Variants in GLUL observed in about 807,000 individuals in gnomAD.
GLUL encodes the protein glutamate-ammonia ligase.
Under a neutral mutation model 36.9 loss-of-function variants are expected in GLUL, and 8 were observed. The observed-to-expected ratio is 0.22, with a 90% CI of 0.13 to 0.39. The LOEUF is 0.39. Ranked by LOEUF, GLUL falls within the 10% of genes least tolerant of loss-of-function variation. The pLI, the probability that GLUL is intolerant of heterozygous loss-of-function variation, is 1.00. For missense variants in GLUL, 315 were observed against 501.8 expected (o/e 0.63, Z 3.56); for synonymous variants, 182 against 172.8 (o/e 1.05, Z -0.42).
chr1:182,384,879 G>C (rs1034440992), intron 6 of GLUL, 156 bp from the exon 7 acceptor site: 14 of 683,852 alleles, frequency 2.0e-5, no homozygotes, highest in African/African-American at 8.9e-5. Context: ...AACAGTGCCC[G>C]ACAAGCAGTA....
rs1444115350 is a variant in GLUL at position 182,379,676 on chromosome 1, A to G, written c.*4729T>C. Among the ~76,000 whole-genome samples, 1 of 151,966 alleles carries G rather than the reference A, an allele frequency of 6.6e-6. No homozygotes were observed. Among genetic ancestry groups the G allele is most frequent in the Non-Finnish European group, 1.5e-5 (1 of 68,008 alleles). On this transcript the variant is annotated 3_prime_UTR_variant, in exon 7 of 7. Coordinates refer to ENST00000331872, the MANE Select transcript of GLUL (RefSeq NM_001033044.4). ...CAGCCTCCCAGGTAGCTAGGACTAC[A>G]GGTGCATGCCACCACGCCCAGCTAA...
intron 1 of GLUL, chr1:182,391,290 C>T: frequency 2.5e-6 from 1 of 398,644 alleles, no homozygotes. Flanking sequence ...GCCTTGTTTG[C>T]GCTCCACAGG....
At chr1:182,386,186 C>T (rs1188368499) in intron 4 of GLUL, 70 bp downstream of exon 4, 1 of 1,424,224 alleles carries the variant, frequency 7.0e-7, no homozygotes, top group Non-Finnish European at 9.9e-7. Context: ...TCATTCCCAT[C>T]CCTGGGAAGG....
Position 182,383,213 on chromosome 1 carries a change from G to A in GLUL, c.*1192C>T, listed in dbSNP as rs775797329. ...ATCTCCTCCAAGAGCAGAGGTAGGA[G>A]ACAGTTGAAGCAAACAAGCAATTCT... On this transcript the variant is annotated 3_prime_UTR_variant, in exon 7 of 7. Transcript: ENST00000331872. 15 of 152,224 alleles carry A rather than the reference G, an allele frequency of 9.9e-5. No individual in the cohort carries two copies. Among genetic ancestry groups the A allele is most frequent in the Non-Finnish European group, 2.1e-4 (14 of 68,048 alleles). 9.4% of individuals were successfully genotyped at this position (152,224 alleles called of 1,614,324 possible).
intron 1 of GLUL, chr1:182,389,189 G>C (rs1650306936): frequency 5.2e-6 from 1 of 190,596 alleles, no homozygotes; most frequent in African/African-American, 2.3e-5. Flanking sequence ...TAAACTATCA[G>C]AGGAAACAAA....
chr1:182,385,334 T>C (rs772978003), intron 6 of GLUL, 23 bp downstream of exon 6: 61 of 1,569,260 alleles, frequency 3.9e-5, no homozygotes, highest in Non-Finnish European at 5.3e-5. Context: ...AGATTAAAGA[T>C]GGCCCCAGCA....
intron 2 of GLUL, among the ~76,000 whole-genome samples, chr1:182,388,330 A>G (rs1181260784): frequency 6.6e-6 from 1 of 152,190 alleles, no homozygotes; most frequent in Non-Finnish European, 1.5e-5. Flanking sequence ...AACCAGACTT[A>G]GTTTTTCTTC....
chr1:182,389,420 T>C (rs760295242), intron 1 of GLUL: 2 of 153,182 alleles, frequency 1.3e-5, no homozygotes, highest in African/African-American at 4.8e-5. Context: ...TTTAGAAGGC[T>C]AGCAGTTTCC....
rs745333737 is a variant in GLUL, at chr1:182,387,227, A to G, written c.232T>C (p.Tyr78His). 1.2e-6 allele frequency: 2 copies of G among 1,611,662 alleles called. No individual in the cohort carries two copies. The highest frequency in any genetic ancestry group is 2.2e-5 in the South Asian group (2 of 91,032). The part of the protein sequence containing the change: ...LQSEGSNSDM[Y>H]LVPAAMFRDP... ...CGAAACATGGCAGCAGGCACGAGAT[A>G]CATGTCACTGTTGGAACCCTCAGAC... is the stretch of plus-strand genomic sequence containing the variant. The change falls in exon 3 of 7, where the codon TAT becomes CAT. Residue 78 changes from tyrosine to histidine, a missense_variant. Coordinates refer to ENST00000331872, the MANE Select transcript of GLUL (RefSeq NM_001033044.4).
At position 182,378,386 on chromosome 1, in the gene GLUL, A is replaced by G. The variant is rs902436379; in HGVS notation, c.*6019T>C. Reference sequence around the variant, plus strand: ...ATGCACTAGGATATCACTCTCCTATATTAGAGGAGCTCCAAGCAGTGTATC... The same window carrying G: ...ATGCACTAGGATATCACTCTCCTATGTTAGAGGAGCTCCAAGCAGTGTATC... On this transcript the variant is annotated 3_prime_UTR_variant, in exon 7 of 7. Transcript: ENST00000331872. Among the ~76,000 whole-genome samples, 9 of 152,202 alleles carry G rather than the reference A, an allele frequency of 5.9e-5. No individual in the cohort carries two copies. Among genetic ancestry groups the G allele is most frequent in the Admixed American group, 5.9e-4 (9 of 15,276 alleles).
In GLUL at chr1:182,387,158, C is replaced by T; in HGVS notation, c.301G>A (p.Val101Ile). 6.2e-7 allele frequency: 1 copy of T among 1,614,004 alleles called. No individual in the cohort carries two copies. The highest frequency in any genetic ancestry group is 1.1e-5 in the South Asian group (1 of 91,080). The change falls in exon 3 of 7, where the codon GTT becomes ATT. Residue 101 changes from valine (V) to isoleucine (I), a missense_variant. Coordinates refer to ENST00000331872, the MANE Select transcript of GLUL (RefSeq NM_001033044.4). The part of the protein sequence containing the change: ...KDPNKLVLCE[V>I]FKYNRRPAET... ...GCAGGCCTTCGATTGTACTTGAAAA[C>T]TTCACATAACACCAGCTTGTTAGGG... is the stretch of plus-strand genomic sequence containing the variant.
rs187578546 is a variant in GLUL, at chr1:182,383,927, C to T, written c.*478G>A. 1 of 191,062 alleles carries T rather than the reference C, an allele frequency of 5.2e-6. No homozygotes were observed. Among genetic ancestry groups the T allele is most frequent in the Admixed American group, 5.3e-5 (1 of 18,812 alleles). 11.8% of individuals were successfully genotyped at this position (191,062 alleles called of 1,614,324 possible). ...AGCCATTCTCTCTGATTCCCAACCCCTACCTTCTCTCCTAATTCCCACTTT... is the reference window on the plus strand; with the variant it reads ...AGCCATTCTCTCTGATTCCCAACCCTTACCTTCTCTCCTAATTCCCACTTT... On this transcript the variant is annotated 3_prime_UTR_variant, in exon 7 of 7. Transcript: ENST00000331872.
intron 2 of GLUL, 52 bp from the exon 3 acceptor site, chr1:182,387,344 G>A (rs1263582079): frequency 3.7e-6 from 5 of 1,361,716 alleles, no homozygotes; most frequent in Non-Finnish European, 5.3e-6. Context: ...AGCTTTCCAA[G>A]CAATGCAAAT....
chr1:182,384,779 A>T (rs1478069675), intron 6 of GLUL, 56 bp from the exon 7 acceptor site: 7 of 1,288,882 alleles, frequency 5.4e-6, no homozygotes, highest in Non-Finnish European at 7.9e-6. Flanking sequence ...TGGAGCCAAG[A>T]ATGAAGTGCA....
chr1:182,384,756 T>C (rs1650098300), intron 6 of GLUL, 33 bp from the exon 7 acceptor site: 1 of 1,540,702 alleles, frequency 6.5e-7, no homozygotes, highest in Non-Finnish European at 9.0e-7. Flanking sequence ...CAGTCCAACC[T>C]TGTCTCCAGG....
rs763261567 is a variant in GLUL at position 182,384,477 on chromosome 1, C to T, written c.1050G>A (p.Ser350=). 1.7e-5 allele frequency: 27 copies of T among 1,613,816 alleles called. No individual in the cohort carries two copies. The highest frequency in any genetic ancestry group is 1.3e-4 in the South Asian group (12 of 91,068). The change falls in exon 7 of 7, where the codon TCG becomes TCA. Residue 350 remains serine (S), a synonymous_variant. Coordinates refer to ENST00000331872, the MANE Select transcript of GLUL (RefSeq NM_001033044.4). ...RRPSANCDPF[S]VTEALIRTCL... Reference sequence around the variant, plus strand: ...ACGTGCGGATGAGGGCTTCTGTCACCGAAAAGGGGTCGCAGTTGGCAGAGG... The same window carrying T: ...ACGTGCGGATGAGGGCTTCTGTCACTGAAAAGGGGTCGCAGTTGGCAGAGG...
intron 3 of GLUL, 91 bp from the exon 4 acceptor site, chr1:182,386,493 A>G (rs1427679415): frequency 1.0e-6 from 1 of 999,596 alleles, no homozygotes; most frequent in Non-Finnish European, 1.6e-6. Flanking sequence ...CTTGGATTCT[A>G]TACAACTGAG....
chr1:182,385,151 T>C (rs868751562), intron 6 of GLUL: 35 of 560,962 alleles, frequency 6.2e-5, no homozygotes, highest in Middle Eastern at 9.2e-4. Context: ...TATTATTTGG[T>C]ATTTTTCAAA....
Position 182,387,109 on chromosome 1 carries a change from C to A in GLUL, c.328+22G>T, listed in dbSNP as rs1029530925. ...GCATTCACAGATTGAGGAGGGGTAT[C>A]CATAGCTGTGCTATAACACACCTGC... is the stretch of plus-strand genomic sequence containing the variant. On this transcript the variant is annotated intron_variant, in intron 3 of 6. Transcript: ENST00000331872. 3.8e-6 allele frequency: 6 copies of A among 1,587,040 alleles called. No individual in the cohort carries two copies. The South Asian group carries it at 6.6e-5, about 18-fold the overall frequency.
Sources: allele counts gnomAD v4.1 joint callset (sites outside exome capture counted in the v4.1 genomes callset), GRCh38; gene constraint gnomAD v4.1.1; transcripts MANE v1.5; gene names NCBI Gene and HGNC (gene_info 2026-07-23, HGNC 2026-07-21).